The following PRKN variants were observed in gnomAD, a reference collection of about 807,000 sequenced individuals.
The protein encoded by PRKN is parkin RBR E3 ubiquitin protein ligase.
In PRKN, 56 loss-of-function variants were observed where a neutral mutation model predicts 59.5. The ratio of observed to expected loss-of-function variants is 0.94; its 90% CI spans 0.76 to 1.18. The LOEUF (loss-of-function observed/expected upper bound fraction) is 1.18, where lower values mean the gene tolerates loss of function less well. Among genes scored for constraint, PRKN ranks in the 50% most tolerant of loss-of-function variants. The pLI is 0.00. For synonymous variants in PRKN, 250 were observed against 222.1 expected, an observed-to-expected ratio of 1.13 and a Z score of -1.12; for missense variants, 657 against 596.4, an observed-to-expected ratio of 1.10 and a Z score of -1.06.
intron 1 of PRKN, among the ~76,000 whole-genome samples, chr6:162,513,676 G>T (rs1777727204): frequency 6.6e-6 from 1 of 152,146 alleles, no homozygotes; most frequent in East Asian, 1.9e-4. Context: ...AGACTTAGAG[G>T]ATGGAATAGC....
intron 7 of PRKN, among the ~76,000 whole-genome samples, chr6:161,770,231 G>A (rs542260063): frequency 2.1e-4 from 32 of 152,228 alleles, no homozygotes; most frequent in African/African-American, 7.0e-4. Context: ...AGGACAAGGC[G>A]TGTCTTAGGA....
rs548955711 is a variant in PRKN, at chr6:161,407,565, A to T, written c.1084-20688T>A. On this transcript the variant is annotated intron_variant, in intron 9 of 11. Coordinates refer to ENST00000366898, the MANE Select transcript of PRKN (RefSeq NM_004562.3). This position sits in a 1 kb window ranked among gnomAD's most constrained non-coding sequence, Gnocchi z 4.9. ...TGATTTCAGAAATGTTAAAATACAC[A>T]AAAAGGTACTTCTTAGAGTTGAGGA... Among the ~76,000 whole-genome samples, 18 of 152,348 alleles carry T rather than the reference A, an allele frequency of 1.2e-4. No homozygotes were observed. Among genetic ancestry groups the T allele is most frequent in the African/African-American group, 3.6e-4 (15 of 41,574 alleles).
intron 7 of PRKN, among the ~76,000 whole-genome samples, chr6:161,718,635 G>A (rs760624818): frequency 2.0e-5 from 3 of 151,936 alleles, no homozygotes; most frequent in African/African-American, 4.8e-5. Flanking sequence ...CAGTGGCCTC[G>A]GGACTATCCC....
chr6:162,392,693 T>A (rs1787263563), intron 2 of PRKN, among the ~76,000 whole-genome samples: 1 of 152,212 alleles, frequency 6.6e-6, no homozygotes, highest in African/African-American at 2.4e-5. Context: ...AAGTCTTTAG[T>A]TTGGCCTAAT....
chr6:161,912,579 G>A (rs982386097), intron 6 of PRKN, among the ~76,000 whole-genome samples: 3 of 152,086 alleles, frequency 2.0e-5, no homozygotes, highest in African/African-American at 7.2e-5. Flanking sequence ...ACAGCACGTG[G>A]AGAGGTGGTA....
chr6:161,879,257 C>T (rs1410850220), intron 6 of PRKN, among the ~76,000 whole-genome samples: 2 of 151,598 alleles, frequency 1.3e-5, no homozygotes, highest in Admixed American at 1.3e-4. Context: ...CTTTTACCCT[C>T]TAGGTAAATC....
chr6:161,686,045 C>T (rs1380138680), intron 7 of PRKN, among the ~76,000 whole-genome samples: 3 of 132,680 alleles, frequency 2.3e-5, no homozygotes, highest in Non-Finnish European at 4.8e-5. Flanking sequence ...AAATACTGCA[C>T]ACTCATAAAA....
chr6:161,878,968 G>A (rs1228175540), intron 6 of PRKN, among the ~76,000 whole-genome samples: 1 of 152,182 alleles, frequency 6.6e-6, no homozygotes. Context: ...CAGTCTTTGA[G>A]AGTTCCAGTG....
At chr6:161,403,839 G>A (rs1787151949) in intron 9 of PRKN, among the ~76,000 whole-genome samples, 1 of 152,126 alleles carries the variant, frequency 6.6e-6, no homozygotes, top group African/African-American at 2.4e-5. Context: ...TACTGTGGGA[G>A]GAGCTTTGTT....
intron 1 of PRKN, among the ~76,000 whole-genome samples, chr6:162,610,349 G>A (rs1246933286): frequency 6.6e-6 from 1 of 152,060 alleles, no homozygotes; most frequent in Non-Finnish European, 1.5e-5. Flanking sequence ...GTCCTAAGCA[G>A]GATTTTATTT....
chr6:161,515,666 G>C (rs1239627473), intron 9 of PRKN, among the ~76,000 whole-genome samples: 1 of 152,154 alleles, frequency 6.6e-6, no homozygotes, highest in East Asian at 1.9e-4. Flanking sequence ...AGTTAAAATT[G>C]AGTACACTGC....
chr6:161,517,187 C>T (rs569463), intron 9 of PRKN, among the ~76,000 whole-genome samples: 99,123 of 151,884 alleles, frequency 0.65, 32,339 homozygotes, highest in Middle Eastern at 0.72. Context: ...TTTTCAATCA[C>T]GAGTTCATGA....
At chr6:162,187,030 G>A (rs938710848) in intron 4 of PRKN, among the ~76,000 whole-genome samples, 4 of 152,112 alleles carry the variant, frequency 2.6e-5, no homozygotes, top group African/African-American at 9.7e-5. Context: ...CTACTTTGTT[G>A]GTATAGTTAT....
chr6:161,432,583 T>C (rs1386934639), intron 9 of PRKN, among the ~76,000 whole-genome samples: 4 of 148,798 alleles, frequency 2.7e-5, no homozygotes, highest in Non-Finnish European at 5.9e-5. Context: ...GGTTTCACCA[T>C]GTTGGCCAGG....
chr6:161,906,273 T>G (rs1778141326), intron 6 of PRKN, among the ~76,000 whole-genome samples: 1 of 152,262 alleles, frequency 6.6e-6, no homozygotes, highest in African/African-American at 2.4e-5. Context: ...AATTTCTGGA[T>G]GCTCCATGTC....
chr6:162,020,345 A>AAG (rs1299675859), intron 5 of PRKN, among the ~76,000 whole-genome samples: 2 of 151,188 alleles, frequency 1.3e-5, no homozygotes, highest in Non-Finnish European at 3.0e-5. Flanking sequence ...AAAAAAAAAA[A>AAG]AAAAAAAAAA....
At chr6:162,540,270 C>T (rs935809437) in intron 1 of PRKN, among the ~76,000 whole-genome samples, 28 of 152,082 alleles carry the variant, frequency 1.8e-4, no homozygotes, top group Non-Finnish European at 2.6e-4. Context: ...TGCTCTGTCA[C>T]ACAGGCTGAA....
chr6:161,373,082 C>T lies in PRKN; in HGVS notation c.1168-12877G>A, dbSNP rs554360008. On this transcript the variant is annotated intron_variant, in intron 10 of 11. Transcript: ENST00000366898. This position sits in a 1 kb window ranked among gnomAD's most constrained non-coding sequence, Gnocchi z 4.8. ...CACCCTGGCCTCCCAAAGTGTGGGG[C>T]TGCCGGTGTGAACCACCACACTCGG... 1.3e-5 allele frequency among the ~76,000 whole-genome samples: 2 copies of T among 152,216 alleles called. No individual in the cohort carries two copies. Among genetic ancestry groups the T allele is most frequent in the African/African-American group, 4.8e-5 (2 of 41,522 alleles).
chr6:161,458,381 C>T lies in PRKN; in HGVS notation c.1084-71504G>A, dbSNP rs1790064417. Among the ~76,000 whole-genome samples, 1 of 152,140 alleles carries T rather than the reference C, an allele frequency of 6.6e-6. No homozygotes were observed. The highest frequency in any genetic ancestry group is 1.5e-5 in the Non-Finnish European group (1 of 68,026). On this transcript the variant is annotated intron_variant, in intron 9 of 11. Transcript: ENST00000366898. This position sits in a 1 kb window ranked among gnomAD's most constrained non-coding sequence, Gnocchi z 6.1. ...TGCCTGGTGTGATCGACCATAAGTG[C>T]AGCTGATGCAAACCTGGAAGCCGTT...
Sources: allele counts gnomAD v4.1 joint callset (sites outside exome capture counted in the v4.1 genomes callset), GRCh38; gene constraint gnomAD v4.1.1; non-coding constraint Gnocchi (gnomAD v3.1); transcripts MANE v1.5; gene names NCBI Gene and HGNC (gene_info 2026-07-23, HGNC 2026-07-21).